Variants in RTEL1 observed in about 807,000 individuals in gnomAD.
RTEL1 encodes regulator of telomere length.
Under a neutral mutation model 162.2 loss-of-function variants are expected in RTEL1, and 86 were observed. The observed-to-expected ratio is 0.53, with a 90% CI of 0.45 to 0.63. The LOEUF (loss-of-function observed/expected upper bound fraction) is 0.63. Among genes scored for constraint, RTEL1 ranks in the 30% least tolerant of loss-of-function variants. The pLI is 0.00. For synonymous variants in RTEL1, 958 were observed against 717.9 expected (o/e 1.33, Z -5.35); for missense variants, 1,941 against 1,750.2 (o/e 1.11, Z -1.95).
chr20:63,665,994 A>T lies in RTEL1; in HGVS notation c.539-10A>T. 2 of 1,613,730 alleles carry T rather than the reference A, an allele frequency of 1.2e-6. No homozygotes were observed. The highest frequency in any genetic ancestry group is 1.7e-6 in the Non-Finnish European group (2 of 1,179,762). ...GAGGGTGTGTGTTTACCCCTGCCTC[A>T]CACCTGCAGAAAAAAGCCTGGAGCA... On this transcript the variant is annotated splice_polypyrimidine_tract_variant and intron_variant, in intron 6 of 34. Coordinates refer to ENST00000360203, the MANE Select transcript of RTEL1 (RefSeq NM_001283009.2).
At chr20:63,664,895 G>A (rs1043482607) in intron 6 of RTEL1, among the ~76,000 whole-genome samples, 4 of 152,224 alleles carry the variant, frequency 2.6e-5, no homozygotes, top group East Asian at 3.8e-4. Context: ...CCTCTGGGAC[G>A]GCCCCGCCCC....
intron 26 of RTEL1, 131 bp from the exon 27 acceptor site, chr20:63,690,673 CA>C: frequency 9.0e-7 from 1 of 1,111,746 alleles, no homozygotes; most frequent in East Asian, 2.6e-5. Context: ...AGACTCCCCC[CA>C]ATAGCAGGGA....
At position 63,694,931 on chromosome 20, in the gene RTEL1, C is replaced by T. The variant is rs530713870; in HGVS notation, c.3300C>T (p.Ala1100=). 2.3e-5 allele frequency: 37 copies of T among 1,612,568 alleles called. No homozygotes were observed. Among genetic ancestry groups the T allele is most frequent in the East Asian group, 4.5e-5 (2 of 44,886 alleles). ...TCGACAAGGTGCTGGCTGTGTTGGC[C>T]GCCCTGACCACTGCAAAGCCAGAGG... ...DDLDKVLAVL[A]ALTTAKPEDF... Residue 1100 remains alanine (A), a synonymous_variant, in exon 32 of 35, where the codon GCC becomes GCT. Transcript: ENST00000360203.
At chr20:63,674,266 C>G (rs2090305654) in intron 10 of RTEL1, among the ~76,000 whole-genome samples, 173 bp downstream of exon 10, 1 of 152,238 alleles carries the variant, frequency 6.6e-6, no homozygotes, top group African/African-American at 2.4e-5. Context: ...GTGTGGTCGG[C>G]CTGGGCACCA....
At chr20:63,690,483 G>GGT in intron 26 of RTEL1, 42 bp downstream of exon 26, 14 of 1,280,858 alleles carry the variant, frequency 1.1e-5, no homozygotes, top group African/African-American at 1.5e-5. Flanking sequence ...GGGGGTGGCG[G>GGT]AGCGGGCGGC....
intron 16 of RTEL1, 86 bp downstream of exon 16, chr20:63,685,958 G>C (rs1022334639): frequency 7.6e-7 from 1 of 1,310,766 alleles, no homozygotes; most frequent in Non-Finnish European, 1.1e-6. Context: ...ATGCCCAGCC[G>C]TGGATCTCCT....
chr20:63,687,609 TG>T lies in RTEL1; in HGVS notation c.1349-28del, dbSNP rs2090626446. 5.7e-6 allele frequency: 9 copies of T among 1,582,796 alleles called. 1 individual carries two copies. In the South Asian group the frequency reaches 1.0e-4, roughly 18 times the overall value. On this transcript the variant is annotated intron_variant, in intron 16 of 34. Coordinates refer to ENST00000360203, the MANE Select transcript of RTEL1 (RefSeq NM_001283009.2). Reference sequence around the variant, plus strand: ...GGCCCCCAGTCCCGTCCTCACACTCTGTGCCCTCTGCCGCCCCCCGCCCCAC... The same window carrying T: ...GGCCCCCAGTCCCGTCCTCACACTCTTGCCCTCTGCCGCCCCCCGCCCCAC...
chr20:63,682,282 C>T (rs534823200), intron 14 of RTEL1: 1 of 985,106 alleles, frequency 1.0e-6, no homozygotes, highest in African/African-American at 1.7e-5. Context: ...AACGCGGCCT[C>T]CCAGGCCCCC....
Position 63,693,299 on chromosome 20 carries a change from G to T in RTEL1, c.2992+16G>T. On this transcript the variant is annotated intron_variant, in intron 30 of 34. Coordinates refer to ENST00000360203, the MANE Select transcript of RTEL1 (RefSeq NM_001283009.2). ...GACCCCACTGGTAAATGGGGCCCCA[G>T]GTGGGACCCTCAGACTCCTGCGTGG... is the stretch of plus-strand genomic sequence containing the variant. The T allele has an allele frequency of 6.2e-7, 1 of 1,611,092 alleles. No individual in the cohort carries two copies. The highest frequency in any genetic ancestry group is 8.5e-7 in the Non-Finnish European group (1 of 1,179,194).
At chr20:63,682,496 A>G (rs1443625940) in intron 14 of RTEL1, 28 of 985,704 alleles carry the variant, frequency 2.8e-5, no homozygotes, top group Non-Finnish European at 3.6e-6. Flanking sequence ...AAGACTCCAC[A>G]CTCTGGAACC....
At position 63,693,187 on chromosome 20, in the gene RTEL1, G is replaced by A. The variant is rs2145448839; in HGVS notation, c.2896G>A (p.Glu966Lys). The change falls in exon 30 of 35, where the codon GAG becomes AAG. Residue 966 changes from glutamate to lysine, a missense_variant. Coordinates refer to ENST00000360203, the MANE Select transcript of RTEL1 (RefSeq NM_001283009.2). Reference sequence around the variant, plus strand: ...GCCCCACCATAAGCAGCAGTTTGAGGAGGTCTGTATCCAGCTGACAGGACG... The same window carrying A: ...GCCCCACCATAAGCAGCAGTTTGAGAAGGTCTGTATCCAGCTGACAGGACG... Reference protein sequence around the residue: ...VRPHHKQQFEEVCIQLTGRGC... With the variant: ...VRPHHKQQFEKVCIQLTGRGC... 6.2e-7 allele frequency: 1 copy of A among 1,612,172 alleles called. No individual in the cohort carries two copies. The highest frequency in any genetic ancestry group is 8.5e-7 in the Non-Finnish European group (1 of 1,179,554).
chr20:63,683,203 C>T (rs1450462454), intron 14 of RTEL1, among the ~76,000 whole-genome samples: 3 of 152,212 alleles, frequency 2.0e-5, no homozygotes, highest in Non-Finnish European at 2.9e-5. Flanking sequence ...TGGGCTCAGG[C>T]AGTCTGCCCG....
chr20:63,665,359 G>GT, intron 6 of RTEL1: 1 of 151,882 alleles, frequency 6.6e-6, no homozygotes, highest in Non-Finnish European at 1.5e-5. Context: ...GTTCCAGTTT[G>GT]GGGGGCCTGT....
intron 2 of RTEL1, among the ~76,000 whole-genome samples, chr20:63,660,473 G>A (rs911639947): frequency 6.6e-6 from 1 of 152,214 alleles, no homozygotes; most frequent in Non-Finnish European, 1.5e-5. Context: ...TTGTTAACAA[G>A]GCACGTTCTG....
intron 30 of RTEL1, 68 bp downstream of exon 30, chr20:63,693,351 C>T (rs1281605365): frequency 1.3e-6 from 2 of 1,585,738 alleles, no homozygotes; most frequent in Admixed American, 1.7e-5. Flanking sequence ...GAGTCCTGGG[C>T]TGCTTGGGGT....
In RTEL1 at chr20:63,692,929, A is replaced by G; in HGVS notation, c.2777A>G (p.Asp926Gly). ...TQALQDYKGS[D>G]DFAALAACLG... is the part of the protein sequence containing the mutation. ...GCCCTGCAGGACTACAAGGGTTCCG[A>G]TGACTTCGCCGCCCTGGCCGCCTGT... Residue 926 changes from aspartate to glycine, a missense_variant, in exon 29 of 35, where the codon GAT becomes GGT. Coordinates refer to ENST00000360203, the MANE Select transcript of RTEL1 (RefSeq NM_001283009.2). 6.2e-7 allele frequency: 1 copy of G among 1,612,638 alleles called. No individual in the cohort carries two copies. The highest frequency in any genetic ancestry group is 8.5e-7 in the Non-Finnish European group (1 of 1,179,852).
At position 63,694,897 on chromosome 20, in the gene RTEL1, A is replaced by G; in HGVS notation, c.3266A>G (p.Asp1089Gly). 1 of 1,612,560 alleles carries G rather than the reference A, an allele frequency of 6.2e-7. No individual in the cohort carries two copies. The highest frequency in any genetic ancestry group is 8.5e-7 in the Non-Finnish European group (1 of 1,179,854). ...GCAGCGCTGACAGCCTATAAGCAAG[A>G]CGACGACCTCGACAAGGTGCTGGCT... ...LLAALTAYKQ[D>G]DDLDKVLAVL... Residue 1089 changes from aspartate to glycine, a missense_variant, in exon 32 of 35, where the codon GAC (aspartate) becomes GGC (glycine). By Grantham distance (94) the Asp-to-Gly change is moderately conservative. Coordinates refer to ENST00000360203, the MANE Select transcript of RTEL1 (RefSeq NM_001283009.2).
intron 12 of RTEL1, 22 bp downstream of exon 12, chr20:63,678,368 C>G: frequency 1.9e-6 from 3 of 1,599,058 alleles, no homozygotes; most frequent in Non-Finnish European, 2.6e-6. Flanking sequence ...GGAGCCAGCC[C>G]CTTCACTGCA....
At chr20:63,665,333 C>T (rs1427504288) in intron 6 of RTEL1, 1 of 152,412 alleles carries the variant, frequency 6.6e-6, no homozygotes, top group Non-Finnish European at 1.5e-5. Context: ...AAGCAACTCC[C>T]TAAGGAATTC....
Sources: allele counts gnomAD v4.1 joint callset (sites outside exome capture counted in the v4.1 genomes callset), GRCh38; gene constraint gnomAD v4.1.1; transcripts MANE v1.5; gene names NCBI Gene and HGNC (gene_info 2026-07-23, HGNC 2026-07-21).